The following CTNNA2 variants were observed in gnomAD, a reference collection of about 807,000 sequenced individuals.
CTNNA2 encodes the protein catenin alpha 2, also known as catenin alpha-2.
In CTNNA2, 42 loss-of-function variants were observed where a neutral mutation model predicts 101.0. The ratio of observed to expected loss-of-function variants is 0.42; its 90% confidence interval spans 0.32 to 0.54. CTNNA2 has a LOEUF of 0.54. Ranked by LOEUF, CTNNA2 falls within the 20% of genes least tolerant of loss-of-function variation. The pLI, the probability that CTNNA2 is intolerant of heterozygous loss-of-function variation, is 0.14. For missense variants in CTNNA2, 871 were observed against 1,223.1 expected (o/e 0.71, Z 4.29); for synonymous variants, 450 against 456.4 (o/e 0.99, Z 0.18).
chr2:79,517,116 C>T (rs1021859035), intron 1 of CTNNA2, among the ~76,000 whole-genome samples: 9 of 152,202 alleles, frequency 5.9e-5, no homozygotes, highest in Non-Finnish European at 1.3e-4. Context: ...GTTAAGTATA[C>T]TCTCTGTGTG....
Position 80,055,469 on chromosome 2 carries a change from G to A in CTNNA2, c.1056+145672G>A, listed in dbSNP as rs72924628. Among the ~76,000 whole-genome samples, 666 of 152,252 alleles carry A rather than the reference G, an allele frequency of 4.4e-3. 7 individuals carry two copies. Among genetic ancestry groups the A allele is most frequent in the African/African-American group, 0.015 (640 of 41,550 alleles). On this transcript the variant is annotated intron_variant, in intron 7 of 18. Coordinates refer to ENST00000402739, the MANE Select transcript of CTNNA2 (RefSeq NM_001282597.3). The stretch of plus-strand genomic sequence containing the variant: ...GTTGAGAGTAGCTAGCCAGTGGGCC[G>A]AATCTTGACTGAAACCACATATTAT...
intron 7 of CTNNA2, among the ~76,000 whole-genome samples, chr2:80,262,661 G>A (rs1416460674): frequency 6.6e-6 from 1 of 152,210 alleles, no homozygotes; most frequent in African/African-American, 2.4e-5. Context: ...CTATGGCCTT[G>A]GGGCTGTTTT....
chr2:79,541,327 CTA>C (rs10541674), intron 1 of CTNNA2, among the ~76,000 whole-genome samples: 65 of 146,138 alleles, frequency 4.4e-4, no homozygotes, highest in African/African-American at 9.4e-4. Flanking sequence ...CACAGATATC[CTA>C]TATATATATA....
chr2:79,998,760 C>T (rs527623947), intron 7 of CTNNA2, among the ~76,000 whole-genome samples: 1 of 152,270 alleles, frequency 6.6e-6, no homozygotes, highest in African/African-American at 2.4e-5. Context: ...AAAATTCATA[C>T]TATTTCGATA....
chr2:80,552,287 C>CT (rs1247100486), intron 11 of CTNNA2, among the ~76,000 whole-genome samples: 3 of 151,974 alleles, frequency 2.0e-5, no homozygotes, highest in Non-Finnish European at 4.4e-5. Context: ...AACAGACTTG[C>CT]TTGACGCAGA....
intron 18 of CTNNA2, among the ~76,000 whole-genome samples, chr2:80,644,055 A>C (rs1415567326): frequency 6.6e-6 from 1 of 152,142 alleles, no homozygotes; most frequent in Non-Finnish European, 1.5e-5. Flanking sequence ...TAACTAAAAA[A>C]CAAGACCTGA....
chr2:80,167,974 G>T (rs997023985), intron 7 of CTNNA2, among the ~76,000 whole-genome samples: 2 of 152,170 alleles, frequency 1.3e-5, no homozygotes, highest in East Asian at 3.8e-4. Flanking sequence ...GTATTTGTGT[G>T]CTCACTTTAC....
chr2:80,414,597 C>G lies in CTNNA2; in HGVS notation c.1138-4852C>G, dbSNP rs1205956810. ...ATACTTTCCTCCCGACCGCTACCTC[C>G]TGTACTCTTGCAACTAGTTGAGGAC... On this transcript the variant is annotated intron_variant, in intron 8 of 18. Transcript: ENST00000402739. Among the ~76,000 whole-genome samples the G allele has an allele frequency of 7.2e-5, 11 of 152,318 alleles. No homozygotes were observed. In the East Asian group the frequency reaches 1.9e-3, roughly 27 times the overall value.
chr2:80,492,790 T>G (rs1687165477), intron 9 of CTNNA2, among the ~76,000 whole-genome samples: 1 of 152,156 alleles, frequency 6.6e-6, no homozygotes, highest in Non-Finnish European at 1.5e-5. Context: ...CTTGTGCTGG[T>G]TTTTCCTTTC....
At chr2:80,405,987 A>G (rs571396213) in intron 8 of CTNNA2, among the ~76,000 whole-genome samples, 38 of 152,350 alleles carry the variant, frequency 2.5e-4, no homozygotes, top group Admixed American at 7.8e-4. Flanking sequence ...CTTCAATTTC[A>G]ACAAGGATCA....
At position 80,237,627 on chromosome 2, in the gene CTNNA2, G is replaced by A. The variant is rs1054290392; in HGVS notation, c.1057-155584G>A. ...GGGCTAGTGAGACTGGATGCCAGAG[G>A]AAGCACCTGTGGAACAGACACCTGC... On this transcript the variant is annotated intron_variant, in intron 7 of 18. Coordinates refer to ENST00000402739, the MANE Select transcript of CTNNA2 (RefSeq NM_001282597.3). 2.0e-5 allele frequency among the ~76,000 whole-genome samples: 3 copies of A among 152,146 alleles called. No homozygotes were observed. In the South Asian group the frequency reaches 6.2e-4, roughly 32 times the overall value.
At chr2:79,355,982 A>G (rs1677500141) in intron 3 of CTNNA2, among the ~76,000 whole-genome samples, 1 of 152,028 alleles carries the variant, frequency 6.6e-6, no homozygotes, top group African/African-American at 2.4e-5. Flanking sequence ...GTTATAAGGT[A>G]ATTCTATATA....
intron 1 of CTNNA2, among the ~76,000 whole-genome samples, chr2:79,610,682 A>G: frequency 6.6e-6 from 1 of 152,138 alleles, no homozygotes; most frequent in Admixed American, 6.6e-5. Context: ...CAGAAAATGC[A>G]TCAGTGATTT....
chr2:80,581,529 C>T (rs1215566106), intron 13 of CTNNA2, among the ~76,000 whole-genome samples, 177 bp from the exon 14 acceptor site: 3 of 151,912 alleles, frequency 2.0e-5, no homozygotes, highest in African/African-American at 4.8e-5. Context: ...TAAATTAGGG[C>T]AGCTTGATTT....
intron 7 of CTNNA2, among the ~76,000 whole-genome samples, chr2:80,186,395 T>C (rs1706129470): frequency 1.3e-5 from 2 of 152,340 alleles, no homozygotes; most frequent in South Asian, 4.1e-4. Context: ...ATGGCCTTGA[T>C]ATCACGAACT....
chr2:79,348,131 C>T (rs965174127), intron 3 of CTNNA2, among the ~76,000 whole-genome samples: 1 of 152,116 alleles, frequency 6.6e-6, no homozygotes, highest in African/African-American at 2.4e-5. Context: ...TAGAACCAAA[C>T]AACAAAATGC....
At chr2:79,758,907 G>A (rs190618740) in intron 3 of CTNNA2, among the ~76,000 whole-genome samples, 1 of 152,282 alleles carries the variant, frequency 6.6e-6, no homozygotes, top group Non-Finnish European at 1.5e-5. Flanking sequence ...ACAGGTCAAG[G>A]TTAAACCATG....
At chr2:80,192,952 G>GGTGT (rs3067147) in intron 7 of CTNNA2, among the ~76,000 whole-genome samples, 56,217 of 151,332 alleles carry the variant, frequency 0.37, 12,258 homozygotes, top group Non-Finnish European at 0.51. Flanking sequence ...TGTGTATAGT[G>GGTGT]GTGTGTGTGT....
chr2:80,427,380 GA>G (rs1443901056), intron 9 of CTNNA2, among the ~76,000 whole-genome samples: 1 of 152,190 alleles, frequency 6.6e-6, no homozygotes, highest in Admixed American at 6.5e-5. Context: ...GAGGCTCCCT[GA>G]GTTGAATTAA....
Sources: allele counts gnomAD v4.1 joint callset (sites outside exome capture counted in the v4.1 genomes callset), GRCh38; gene constraint gnomAD v4.1.1; transcripts MANE v1.5; gene names NCBI Gene and HGNC (gene_info 2026-07-23, HGNC 2026-07-21).